ARNT2: variants seen among roughly 807,000 people sequenced by gnomAD.
ARNT2 encodes ARNT protein 2.
A neutral mutation model predicts 91.7 loss-of-function variants in ARNT2; 36 were observed. The observed-to-expected ratio is 0.39, with a 90% CI of 0.30 to 0.52. The LOEUF is 0.52. Ranked by LOEUF, ARNT2 falls within the 20% of genes least tolerant of loss-of-function variation. The pLI, the probability that ARNT2 is intolerant of heterozygous loss-of-function variation, is 0.72. For synonymous variants in ARNT2, 365 were observed against 347.1 expected, an observed-to-expected ratio of 1.05 and a Z score of -0.57; for missense variants, 775 against 939.3, an observed-to-expected ratio of 0.83 and a Z score of 2.29.
chr15:80,406,197 G>C (rs1457446554), intron 1 of ARNT2, among the ~76,000 whole-genome samples: 1 of 152,152 alleles, frequency 6.6e-6, no homozygotes, highest in East Asian at 1.9e-4. Context: ...ACAAAGGGGA[G>C]GTGTCCATGG....
chr15:80,521,741 G>C (rs1002765069), intron 8 of ARNT2, among the ~76,000 whole-genome samples: 33 of 152,028 alleles, frequency 2.2e-4, no homozygotes, highest in African/African-American at 7.5e-4. Flanking sequence ...TTGGTAATTG[G>C]CAAGCAAATG....
chr15:80,545,110 A>C (rs1005158021), intron 8 of ARNT2, among the ~76,000 whole-genome samples: 1 of 152,214 alleles, frequency 6.6e-6, no homozygotes, highest in Non-Finnish European at 1.5e-5. Flanking sequence ...GTGGAATCCT[A>C]TCTTCCTTCA....
Position 80,545,740 on chromosome 15 carries a change from C to T in ARNT2, c.878-5459C>T, listed in dbSNP as rs189621105. Among the ~76,000 whole-genome samples, 13 of 152,280 alleles carry T rather than the reference C, an allele frequency of 8.5e-5. No individual in the cohort carries two copies. The South Asian group carries it at 2.5e-3, about 29-fold the overall frequency. On this transcript the variant is annotated intron_variant, in intron 8 of 18. Coordinates refer to ENST00000303329, the MANE Select transcript of ARNT2 (RefSeq NM_014862.4). ...ATAAATGTTAATGAGTCCCATCATTCAAAGGGGGCCAGCTTTGGAAAATGA... is the reference window on the plus strand; with the variant it reads ...ATAAATGTTAATGAGTCCCATCATTTAAAGGGGGCCAGCTTTGGAAAATGA...
rs778919404 is a variant in ARNT2 at position 80,581,296 on chromosome 15, C to G, written c.1810C>G (p.His604Asp). The G allele has an allele frequency of 6.2e-7, 1 of 1,614,180 alleles. No homozygotes were observed. The highest frequency in any genetic ancestry group is 1.7e-5 in the Admixed American group (1 of 60,026). Residue 604 changes from histidine (H) to aspartate (D), a missense_variant, in exon 17 of 19, where the codon CAC becomes GAC. By Grantham distance (81) the His-to-Asp change is moderately conservative. Transcript: ENST00000303329. ...QSSPFGIGTS[H>D]TYPADPSSYS... ...ATCTCCCTTTGGGATTGGAACGAGC[C>G]ACACCTACCCGGCAGACCCCTCTTC...
At chr15:80,533,595 G>A in intron 8 of ARNT2, among the ~76,000 whole-genome samples, 1 of 152,204 alleles carries the variant, frequency 6.6e-6, no homozygotes, top group South Asian at 2.1e-4. Flanking sequence ...TGAGACATGG[G>A]GGAGAAGCCA....
chr15:80,530,449 T>C (rs993262019), intron 8 of ARNT2, among the ~76,000 whole-genome samples: 1 of 152,186 alleles, frequency 6.6e-6, no homozygotes, highest in Admixed American at 6.5e-5. Context: ...ATGGTGGCTG[T>C]AAGCTTGTAG....
intron 3 of ARNT2, 93 bp from the exon 4 acceptor site, chr15:80,470,125 T>C (rs1896712196): frequency 7.7e-7 from 1 of 1,292,800 alleles, no homozygotes; most frequent in Non-Finnish European, 1.1e-6. Context: ...TTCCTGGTCA[T>C]TTGGTGTTAA....
Position 80,508,145 on chromosome 15 carries a change from C to T in ARNT2, c.623-11C>T, listed in dbSNP as rs1207571811. On this transcript the variant is annotated splice_polypyrimidine_tract_variant and intron_variant, in intron 5 of 18. Transcript: ENST00000303329. ...CAGAGGCTTACGTAACTGTCCTTCT[C>T]TCTCTCTTAGGCCGGATCTTGGACC... is the stretch of plus-strand genomic sequence containing the variant. 2 of 1,613,930 alleles carry T rather than the reference C, an allele frequency of 1.2e-6. No homozygotes were observed. Among genetic ancestry groups the T allele is most frequent in the Non-Finnish European group, 1.7e-6 (2 of 1,179,874 alleles).
chr15:80,531,583 A>G (rs1897741307), intron 8 of ARNT2, among the ~76,000 whole-genome samples: 1 of 152,240 alleles, frequency 6.6e-6, no homozygotes, highest in Admixed American at 6.5e-5. Flanking sequence ...AGCCTTGGCC[A>G]TGTGCCCCTC....
At chr15:80,592,897 C>T (rs901678615) in intron 18 of ARNT2, among the ~76,000 whole-genome samples, 21 of 152,324 alleles carry the variant, frequency 1.4e-4, no homozygotes, top group East Asian at 1.2e-3. Flanking sequence ...TATTGCAGGA[C>T]GTATCAGAGC....
intron 5 of ARNT2, among the ~76,000 whole-genome samples, chr15:80,490,630 C>T (rs375308830): frequency 1.3e-5 from 2 of 152,364 alleles, no homozygotes; most frequent in South Asian, 4.1e-4. Context: ...AGTCCCGTCT[C>T]CCCTCGGGGC....
intron 1 of ARNT2, among the ~76,000 whole-genome samples, chr15:80,425,717 G>GT (rs11462589): frequency 0.041 from 6,053 of 147,158 alleles, 299 homozygotes; most frequent in African/African-American, 0.12. Flanking sequence ...GTTTTGGAGT[G>GT]TTTTTTTTTT....
chr15:80,484,524 G>A (rs896830905), intron 5 of ARNT2, among the ~76,000 whole-genome samples: 2 of 152,164 alleles, frequency 1.3e-5, no homozygotes, highest in East Asian at 1.9e-4. Context: ...GTTCTTTCTC[G>A]TTGTTAAATA....
chr15:80,516,103 T>C (rs1897430102), intron 8 of ARNT2, among the ~76,000 whole-genome samples: 1 of 152,168 alleles, frequency 6.6e-6, no homozygotes, highest in African/African-American at 2.4e-5. Context: ...ACTCCTGACC[T>C]CAGGTGATCC....
intron 5 of ARNT2, among the ~76,000 whole-genome samples, chr15:80,480,595 C>T (rs969467353): frequency 6.6e-6 from 1 of 152,190 alleles, no homozygotes; most frequent in South Asian, 2.1e-4. Context: ...TCCCCTGCAT[C>T]ATACTTCCAT....
chr15:80,498,254 C>G (rs1309264097), intron 5 of ARNT2, among the ~76,000 whole-genome samples: 1 of 152,148 alleles, frequency 6.6e-6, no homozygotes, highest in Non-Finnish European at 1.5e-5. Context: ...GATCATTGCC[C>G]CCTACCCCTA....
At chr15:80,489,587 A>G (rs908496557) in intron 5 of ARNT2, among the ~76,000 whole-genome samples, 2 of 152,216 alleles carry the variant, frequency 1.3e-5, no homozygotes, top group African/African-American at 4.8e-5. Context: ...CTCTTCTCTC[A>G]GTTCTACAGC....
At chr15:80,497,868 G>A (rs1167579616) in intron 5 of ARNT2, among the ~76,000 whole-genome samples, 1 of 152,214 alleles carries the variant, frequency 6.6e-6, no homozygotes. Flanking sequence ...TCTCTCTGGA[G>A]CAAGAATTTA....
At chr15:80,471,763 C>A (rs1896734294) in intron 4 of ARNT2, among the ~76,000 whole-genome samples, 1 of 152,120 alleles carries the variant, frequency 6.6e-6, no homozygotes, top group South Asian at 2.1e-4. Context: ...GGTTAATCTG[C>A]TGCTTAGTGG....
Sources: allele counts gnomAD v4.1 joint callset (sites outside exome capture counted in the v4.1 genomes callset), GRCh38; gene constraint gnomAD v4.1.1; transcripts MANE v1.5; gene names NCBI Gene and HGNC (gene_info 2026-07-23, HGNC 2026-07-21).